SMG6: variants seen among roughly 807,000 people sequenced by gnomAD.
SMG6 encodes the protein SMG6 nonsense mediated mRNA decay factor.
Under a neutral mutation model 142.2 loss-of-function variants are expected in SMG6, and 66 were observed. That is an observed-to-expected ratio of 0.46 (90% CI 0.38 to 0.57). SMG6 has a LOEUF of 0.57. Ranked by LOEUF, SMG6 falls within the 20% of genes least tolerant of loss-of-function variation. SMG6 has a pLI of 0.00. For missense variants in SMG6, 1,793 were observed against 1,832.0 expected (o/e 0.98, Z 0.39); for synonymous variants, 779 against 702.4 (o/e 1.11, Z -1.72).
At chr17:2,295,141 G>C (rs543865804) in intron 4 of SMG6, among the ~76,000 whole-genome samples, 7 of 152,270 alleles carry the variant, frequency 4.6e-5, no homozygotes, top group Admixed American at 4.6e-4. Context: ...GCCTCCCAAA[G>C]GGCTGGGATT....
rs1012207828 is a variant in SMG6 at position 2,286,329 on chromosome 17, A to G, written c.2338-2594T>C. The stretch of plus-strand genomic sequence containing the variant: ...GGCCAAAAAAAAAAAAAAAAAACGA[A>G]GTTAGGGGACTCACATTTCCCAATT... On this transcript the variant is annotated intron_variant, in intron 6 of 18. Coordinates refer to ENST00000263073, the MANE Select transcript of SMG6 (RefSeq NM_017575.5). 1.6e-4 allele frequency among the ~76,000 whole-genome samples: 24 copies of G among 150,692 alleles called. 1 individual carries two copies. Among genetic ancestry groups the G allele is most frequent in the African/African-American group, 5.8e-4 (24 of 41,076 alleles).
chr17:2,125,742 C>A (rs568414051), intron 13 of SMG6, among the ~76,000 whole-genome samples: 16 of 152,240 alleles, frequency 1.1e-4, no homozygotes, highest in Non-Finnish European at 2.1e-4. Flanking sequence ...TGCTTGAGGT[C>A]AGGAGTTGGA....
chr17:2,258,760 T>C (rs1472162673), intron 8 of SMG6, among the ~76,000 whole-genome samples: 2 of 148,692 alleles, frequency 1.3e-5, no homozygotes, highest in African/African-American at 2.5e-5. Context: ...ATCACGCCAC[T>C]GCACTCCCAG....
rs1173330822 is a variant in SMG6 at position 2,121,583 on chromosome 17, C to CTGTGTGTGTGTG, written c.3358-35683_3358-35682insCACACACACACA. 2.3e-4 allele frequency among the ~76,000 whole-genome samples: 27 copies of CTGTGTGTGTGTG among 118,290 alleles called. 1 individual carries two copies. The South Asian group carries it at 2.3e-3, about 10-fold the overall frequency. The allele number at this position is 118,290 out of a possible 152,430, so 77.6% of individuals were successfully genotyped here. A position where few individuals can be genotyped will look rare whatever the true frequency, so the allele number is the denominator to read the frequency against. On this transcript the variant is annotated intron_variant, in intron 13 of 18. Transcript: ENST00000263073. ...CACATATATGTATATATGTACATGT[C>CTGTGTGTGTGTG]TGTCTGTGTGTGTGTGTGTGTGTGT...
At chr17:2,201,518 A>AC (rs896222004) in intron 10 of SMG6, among the ~76,000 whole-genome samples, 82 of 152,018 alleles carry the variant, frequency 5.4e-4, no homozygotes, top group African/African-American at 1.9e-3. Context: ...ACATGGTGAA[A>AC]CCCCATCTCT....
intron 6 of SMG6, among the ~76,000 whole-genome samples, chr17:2,284,680 G>T (rs920255756): frequency 6.6e-6 from 1 of 152,172 alleles, no homozygotes; most frequent in Non-Finnish European, 1.5e-5. Context: ...GGCTAGAGGT[G>T]CAGGTTCTAA....
intron 8 of SMG6, among the ~76,000 whole-genome samples, chr17:2,256,947 C>A (rs2074195285): frequency 7.8e-6 from 1 of 127,492 alleles, no homozygotes; most frequent in African/African-American, 2.6e-5. Flanking sequence ...AAAACCCAGA[C>A]AAAGGTATGT....
At position 2,060,588 on chromosome 17, in the gene SMG6, A is replaced by C. The variant is rs1354788579; in HGVS notation, c.*904T>G. ...GGGGATCAGGGAGGTGAAAAGGATC[A>C]ACTAGAAGGGGAAGAAGGGTGAGGG... On this transcript the variant is annotated 3_prime_UTR_variant, in exon 19 of 19. Coordinates refer to ENST00000263073, the MANE Select transcript of SMG6 (RefSeq NM_017575.5). The C allele has an allele frequency of 6.6e-6, 1 of 152,394 alleles. No individual in the cohort carries two copies. Among genetic ancestry groups the C allele is most frequent in the East Asian group, 1.9e-4 (1 of 5,192 alleles). 9.4% of individuals were successfully genotyped at this position (152,394 alleles called of 1,614,324 possible). A position where few individuals can be genotyped will look rare whatever the true frequency, so the allele number is the denominator to read the frequency against.
chr17:2,107,420 T>C (rs750296224), intron 13 of SMG6, among the ~76,000 whole-genome samples: 4 of 152,190 alleles, frequency 2.6e-5, no homozygotes, highest in Admixed American at 6.5e-5. Flanking sequence ...GAGTATGCAG[T>C]GTATCTGGCT....
chr17:2,079,666 C>A (rs1438189123), intron 15 of SMG6, among the ~76,000 whole-genome samples: 1 of 151,800 alleles, frequency 6.6e-6, no homozygotes, highest in African/African-American at 2.4e-5. Flanking sequence ...GGATCATGCA[C>A]AAGTTTACAT....
intron 10 of SMG6, among the ~76,000 whole-genome samples, chr17:2,200,667 T>G (rs1436248086): frequency 6.6e-6 from 1 of 152,084 alleles, no homozygotes; most frequent in Non-Finnish European, 1.5e-5. Flanking sequence ...CACCTAGCCC[T>G]AGATATATAC....
chr17:2,263,231 GA>G (rs1030710504), intron 8 of SMG6, among the ~76,000 whole-genome samples: 7 of 152,156 alleles, frequency 4.6e-5, no homozygotes, highest in Non-Finnish European at 8.8e-5. Context: ...TGAGGTTGAA[GA>G]AACCCATTTT....
At chr17:2,101,954 A>T (rs971039748) in intron 13 of SMG6, among the ~76,000 whole-genome samples, 1 of 135,220 alleles carries the variant, frequency 7.4e-6, no homozygotes, top group African/African-American at 3.3e-5. Context: ...TCTTGCCTGG[A>T]AATTCACAGA....
intron 8 of SMG6, among the ~76,000 whole-genome samples, chr17:2,272,799 G>A (rs1364016516): frequency 4.6e-5 from 7 of 152,006 alleles, no homozygotes; most frequent in Non-Finnish European, 1.0e-4. Flanking sequence ...TTAGCCGGGT[G>A]TGGTGGTGGG....
At chr17:2,205,446 A>T (rs1211942398) in intron 10 of SMG6, among the ~76,000 whole-genome samples, 1 of 152,212 alleles carries the variant, frequency 6.6e-6, no homozygotes, top group African/African-American at 2.4e-5. Context: ...CACAATTCAC[A>T]AAAGATTTGT....
intron 13 of SMG6, among the ~76,000 whole-genome samples, chr17:2,164,464 C>T (rs1052830220): frequency 2.6e-5 from 4 of 151,890 alleles, no homozygotes; most frequent in African/African-American, 9.7e-5. Flanking sequence ...AAAACTTAGC[C>T]GGGCGTGGTG....
intron 13 of SMG6, chr17:2,122,205 A>G (rs1257715881): frequency 1.3e-5 from 2 of 152,240 alleles, no homozygotes; most frequent in African/African-American, 2.4e-5. Flanking sequence ...AGATAACATG[A>G]TAAGACAAAT....
intron 16 of SMG6, among the ~76,000 whole-genome samples, chr17:2,066,613 G>A (rs1428473265): frequency 7.0e-6 from 1 of 143,762 alleles, no homozygotes; most frequent in Non-Finnish European, 1.5e-5. Context: ...CATTGTCTGG[G>A]TATTCGGAGA....
At chr17:2,125,289 C>G (rs1011748964) in intron 13 of SMG6, among the ~76,000 whole-genome samples, 2 of 152,138 alleles carry the variant, frequency 1.3e-5, no homozygotes, top group African/African-American at 4.8e-5. Context: ...ATTCACCCTT[C>G]TAACCATGCA....
Sources: gnomAD v4.1 joint callset for allele counts (sites outside exome capture counted in the v4.1 genomes callset) on GRCh38, gnomAD v4.1.1 for gene constraint, MANE v1.5 for transcripts, NCBI Gene and HGNC (gene_info 2026-07-23, HGNC 2026-07-21) for gene names.